PCNX3: variants seen among roughly 807,000 people sequenced by gnomAD.
PCNX3 encodes the protein pecanex 3.
Under a neutral mutation model 207.2 loss-of-function variants are expected in PCNX3, and 58 were observed. The observed-to-expected ratio is 0.28, with a 90% CI of 0.23 to 0.35. The LOEUF (loss-of-function observed/expected upper bound fraction) is 0.35. Ranked by LOEUF, PCNX3 falls within the 10% of genes least tolerant of loss-of-function variation. PCNX3 has a pLI of 1.00. For missense variants in PCNX3, 2,410 were observed against 2,774.4 expected, an observed-to-expected ratio of 0.87 and a Z score of 2.95; for synonymous variants, 1,337 against 1,183.5, an observed-to-expected ratio of 1.13 and a Z score of -2.66.
Position 65,625,149 on chromosome 11 carries a change from C to T in PCNX3, c.2920-22C>T, listed in dbSNP as rs1855316554. On this transcript the variant is annotated intron_variant, in intron 16 of 34. Transcript: ENST00000355703. This position sits in a 1 kb window ranked among gnomAD's most constrained non-coding sequence, Gnocchi z 5.6. ...CCCATGCTTACCTCACCTCCCCTGACCAGCATGGATTCTCTCCGCAGACTC... is the reference window on the plus strand; with the variant it reads ...CCCATGCTTACCTCACCTCCCCTGATCAGCATGGATTCTCTCCGCAGACTC... 2.5e-6 allele frequency: 4 copies of T among 1,585,480 alleles called. No homozygotes were observed. Among genetic ancestry groups the T allele is most frequent in the Non-Finnish European group, 3.4e-6 (4 of 1,161,586 alleles).
At chr11:65,632,943 C>T (rs1855674452) in intron 27 of PCNX3, among the ~76,000 whole-genome samples, 1 of 151,840 alleles carries the variant, frequency 6.6e-6, no homozygotes, top group African/African-American at 2.4e-5. Flanking sequence ...TGGGGTTTCG[C>T]CATGTTGTCC....
At chr11:65,627,270 C>T in intron 21 of PCNX3, 135 bp from the exon 22 acceptor site, 1 of 1,190,898 alleles carries the variant, frequency 8.4e-7, no homozygotes, top group South Asian at 1.6e-5. Flanking sequence ...AGTCACGGGC[C>T]CAAAAGAGCA....
At position 65,625,766 on chromosome 11, in the gene PCNX3, G is replaced by A. The variant is rs1323490426; in HGVS notation, c.3228+22G>A. On this transcript the variant is annotated intron_variant, in intron 19 of 34. Transcript: ENST00000355703. This position sits in a 1 kb window ranked among gnomAD's most constrained non-coding sequence, Gnocchi z 5.6. ...GAAGGTTTGTGTGGCATGGGCCGCT[G>A]CTGCCTCTCGCTGTCTTGGCGGGAG... The A allele has an allele frequency of 6.2e-7, 1 of 1,602,388 alleles. No homozygotes were observed. Among genetic ancestry groups the A allele is most frequent in the South Asian group, 1.1e-5 (1 of 90,410 alleles).
chr11:65,634,771 C>T, intron 29 of PCNX3, 130 bp downstream of exon 29: 1 of 1,184,006 alleles, frequency 8.4e-7, no homozygotes, highest in East Asian at 2.6e-5. Flanking sequence ...TACCTCTTCT[C>T]CCACGGGCAG....
rs368760365 is a variant in PCNX3, at chr11:65,635,276, C to T, written c.5012C>T (p.Ala1671Val). The change falls in exon 31 of 35, where the codon GCG (alanine) becomes GTG (valine). Residue 1671 changes from alanine (A) to valine (V), a missense_variant. By Grantham distance (64) the Ala-to-Val change is moderately conservative. Coordinates refer to ENST00000355703, the MANE Select transcript of PCNX3 (RefSeq NM_032223.4). The surrounding 1 kb of genome is among the most constrained non-coding windows in gnomAD (Gnocchi z 9.9). ...EEPAALYDAI[A>V]ANEERLVISH... ...CCAGCAGCCCTATACGATGCCATTG[C>T]GGCCAACGAGGAGCGGCTGGTCATC... The T allele has an allele frequency of 1.0e-5, 16 of 1,590,764 alleles. No individual in the cohort carries two copies. Among genetic ancestry groups the T allele is most frequent in the Admixed American group, 1.8e-5 (1 of 55,694 alleles).
chr11:65,620,010 T>C, intron 8 of PCNX3, 78 bp downstream of exon 8: 1 of 1,426,920 alleles, frequency 7.0e-7, no homozygotes, highest in East Asian at 2.4e-5. Context: ...GCAGTGGTGC[T>C]CGCTCGGCCC....
rs1854863426 is a variant in PCNX3, at chr11:65,618,283, G to A, written c.921G>A (p.Arg307=). The A allele has an allele frequency of 6.2e-7, 1 of 1,610,236 alleles. No individual in the cohort carries two copies. Among genetic ancestry groups the A allele is most frequent in the East Asian group, 2.2e-5 (1 of 44,800 alleles). ...ACTCCTGCTTCAGCGGCACTGACAGGGAGACATTGAGCAGCTTCAAGAGTG... is the reference window on the plus strand; with the variant it reads ...ACTCCTGCTTCAGCGGCACTGACAGAGAGACATTGAGCAGCTTCAAGAGTG... ...SSDSCFSGTD[R]ETLSSFKSEK... The change falls in exon 6 of 35, where the codon AGG becomes AGA. Residue 307 remains arginine (R), a synonymous_variant. Transcript: ENST00000355703.
rs779145373 is a variant in PCNX3, at chr11:65,618,421, C to T, written c.1059C>T (p.Val353=). 5 of 1,612,270 alleles carry T rather than the reference C, an allele frequency of 3.1e-6. No homozygotes were observed. Among genetic ancestry groups the T allele is most frequent in the East Asian group, 2.2e-5 (1 of 44,862 alleles). ...AELPASPDAG[V]PSDDTLRSFD... is the part of the protein sequence containing the mutation. ...TGCCTGCCTCACCAGACGCCGGGGTCCCCTCAGATGACACGCTGCGTTCCT... is the reference window on the plus strand; with the variant it reads ...TGCCTGCCTCACCAGACGCCGGGGTTCCCTCAGATGACACGCTGCGTTCCT... Residue 353 remains valine, a synonymous_variant, in exon 6 of 35, where the codon GTC becomes GTT. Coordinates refer to ENST00000355703, the MANE Select transcript of PCNX3 (RefSeq NM_032223.4).
At chr11:65,628,791 G>A in intron 23 of PCNX3, 28 bp from the exon 24 acceptor site, 1 of 1,608,844 alleles carries the variant, frequency 6.2e-7, no homozygotes, top group Non-Finnish European at 8.5e-7. Flanking sequence ...AGGTCCTGTT[G>A]CCCGCCGCCT....
chr11:65,630,225 T>C, intron 26 of PCNX3, 126 bp from the exon 27 acceptor site: 1 of 1,361,470 alleles, frequency 7.3e-7, no homozygotes, highest in Non-Finnish European at 9.8e-7. Context: ...TCCAATAAGG[T>C]TGACTCCCCT....
intron 2 of PCNX3, 57 bp downstream of exon 2, chr11:65,617,068 C>T (rs1035624591): frequency 7.2e-6 from 11 of 1,518,428 alleles, no homozygotes; most frequent in South Asian, 2.4e-5. Flanking sequence ...TGGGCCGGAA[C>T]CTTGCAGGGT....
chr11:65,619,040 C>T lies in PCNX3; in HGVS notation c.1678C>T (p.Leu560=), dbSNP rs760506006. The T allele has an allele frequency of 2.5e-6, 4 of 1,592,020 alleles. No individual in the cohort carries two copies. The African/African-American group carries it at 4.0e-5, about 16-fold the overall frequency. ...CAACCAGCCCGGCTGGCGGGGGGAGCTGCAGGAGGAAGGTGCTGTGGGGGG... is the reference window on the plus strand; with the variant it reads ...CAACCAGCCCGGCTGGCGGGGGGAGTTGCAGGAGGAAGGTGCTGTGGGGGG... ...AANQPGWRGE[L]QEEGAVGGAA... The change falls in exon 6 of 35, where the codon CTG becomes TTG. Residue 560 remains leucine, a synonymous_variant. Coordinates refer to ENST00000355703, the MANE Select transcript of PCNX3 (RefSeq NM_032223.4).
chr11:65,619,395 C>T (rs1401243255), intron 6 of PCNX3, 142 bp from the exon 7 acceptor site: 15 of 1,430,164 alleles, frequency 1.0e-5, no homozygotes, highest in Non-Finnish European at 1.2e-5. Flanking sequence ...GAGCATGGGG[C>T]TGTGTGACCT....
intron 29 of PCNX3, 28 bp from the exon 30 acceptor site, chr11:65,634,945 T>G (rs775802571): frequency 2.5e-6 from 4 of 1,599,686 alleles, no homozygotes; most frequent in Non-Finnish European, 3.4e-6. Context: ...CACCCCTCTC[T>G]CCCCTCCCTG....
chr11:65,635,708 C>T lies in PCNX3; in HGVS notation c.5364C>T (p.Thr1788=), dbSNP rs752009912. ...GYPIYVSPLT[T]SLAGSHPQLR... is the part of the protein sequence containing the mutation. ...CCATCTACGTGTCGCCTCTCACCAC[C>T]TCGCTGGCTGGCAGCCACCCCCAGC... Residue 1788 remains threonine (T), a synonymous_variant, in exon 32 of 35, where the codon ACC becomes ACT. Coordinates refer to ENST00000355703, the MANE Select transcript of PCNX3 (RefSeq NM_032223.4). The surrounding 1 kb of genome is among the most constrained non-coding windows in gnomAD (Gnocchi z 9.9). 17 of 1,609,698 alleles carry T rather than the reference C, an allele frequency of 1.1e-5. No homozygotes were observed. The highest frequency in any genetic ancestry group is 5.1e-6 in the Non-Finnish European group (6 of 1,178,522).
chr11:65,627,177 C>T, intron 21 of PCNX3, 129 bp downstream of exon 21: 1 of 1,312,494 alleles, frequency 7.6e-7, no homozygotes, highest in Non-Finnish European at 1.0e-6. Context: ...GACCCCAGCT[C>T]CTGACACGCC....
At chr11:65,630,324 C>T (rs1328897895) in intron 26 of PCNX3, 27 bp from the exon 27 acceptor site, 2 of 1,608,998 alleles carry the variant, frequency 1.2e-6, no homozygotes, top group African/African-American at 1.3e-5. Context: ...TTCTAGCAGC[C>T]CCTGACTGCA....
chr11:65,625,532 G>T lies in PCNX3; in HGVS notation c.3135+22G>T, dbSNP rs781154248. Reference sequence around the variant, plus strand: ...GGTGGTGAGGGGGCGGGGGGTGGGGGTCTGTGGGGAGGTGGTGACAGGTCC... The same window carrying T: ...GGTGGTGAGGGGGCGGGGGGTGGGGTTCTGTGGGGAGGTGGTGACAGGTCC... On this transcript the variant is annotated intron_variant, in intron 18 of 34. Transcript: ENST00000355703. The surrounding 1 kb of genome is among the most constrained non-coding windows in gnomAD (Gnocchi z 5.6). 1 of 1,581,430 alleles carries T rather than the reference G, an allele frequency of 6.3e-7. No individual in the cohort carries two copies. Among genetic ancestry groups the T allele is most frequent in the Non-Finnish European group, 8.6e-7 (1 of 1,166,298 alleles).
chr11:65,628,548 T>G, intron 22 of PCNX3, 47 bp from the exon 23 acceptor site: 1 of 1,575,782 alleles, frequency 6.3e-7, no homozygotes. Flanking sequence ...GGGGCTTCCA[T>G]GAGTGACCCT....
Sources: allele counts gnomAD v4.1 joint callset (sites outside exome capture counted in the v4.1 genomes callset), GRCh38; gene constraint gnomAD v4.1.1; non-coding constraint Gnocchi (gnomAD v3.1); transcripts MANE v1.5; gene names NCBI Gene and HGNC (gene_info 2026-07-23, HGNC 2026-07-21).